The following PLCL1 variants were observed in gnomAD, a reference collection of about 807,000 sequenced individuals.
PLCL1 encodes the protein inactive phospholipase C-like protein 1.
A neutral mutation model predicts 84.4 loss-of-function variants in PLCL1; 41 were observed. The observed-to-expected ratio is 0.49, with a 90% CI of 0.38 to 0.63. The LOEUF (loss-of-function observed/expected upper bound fraction) is 0.63. Among genes scored for constraint, PLCL1 ranks in the 30% least tolerant of loss-of-function variants. The pLI is 0.00. For missense variants in PLCL1, 1,206 were observed against 1,367.8 expected, an observed-to-expected ratio of 0.88 and a Z score of 1.87; for synonymous variants, 490 against 488.3, an observed-to-expected ratio of 1.00 and a Z score of -0.05.
chr2:197,863,355 G>T (rs1687469866), intron 1 of PLCL1, among the ~76,000 whole-genome samples: 1 of 152,028 alleles, frequency 6.6e-6, no homozygotes, highest in Non-Finnish European at 1.5e-5. Context: ...ACTCAAAACA[G>T]TTATATTTGC....
chr2:197,993,746 C>T (rs1425949218), intron 1 of PLCL1, among the ~76,000 whole-genome samples: 1 of 152,164 alleles, frequency 6.6e-6, no homozygotes, highest in Non-Finnish European at 1.5e-5. Context: ...TTCTCTCTCC[C>T]CTTCCTTGTT....
rs560408853 is a variant in PLCL1, at chr2:197,983,006, T to C, written c.241-100752T>C. ...GTAATAATAAAAATTGGCTTATAAG[T>C]GAACAATTTTGATAGATTTTAGTTC... On this transcript the variant is annotated intron_variant, in intron 1 of 5. Coordinates refer to ENST00000428675, the MANE Select transcript of PLCL1 (RefSeq NM_006226.4). Among the ~76,000 whole-genome samples the C allele has an allele frequency of 5.9e-5, 9 of 152,230 alleles. 1 individual carries two copies. The highest frequency in any genetic ancestry group is 2.2e-4 in the African/African-American group (9 of 41,562).
At chr2:197,904,870 C>A (rs1364303600) in intron 1 of PLCL1, among the ~76,000 whole-genome samples, 2 of 152,082 alleles carry the variant, frequency 1.3e-5, no homozygotes, top group Admixed American at 1.3e-4. Context: ...AGTCAATTAT[C>A]AAAAGTATTA....
intron 1 of PLCL1, among the ~76,000 whole-genome samples, chr2:197,874,081 T>G (rs1266388433): frequency 6.6e-6 from 1 of 152,172 alleles, no homozygotes; most frequent in Non-Finnish European, 1.5e-5. Context: ...TACTTATAAG[T>G]TTTTCATTTT....
intron 1 of PLCL1, among the ~76,000 whole-genome samples, chr2:197,943,300 T>A (rs1314085772): frequency 6.6e-6 from 1 of 152,044 alleles, no homozygotes; most frequent in Non-Finnish European, 1.5e-5. Context: ...ATTTAAATTT[T>A]AAAAATTATG....
intron 1 of PLCL1, among the ~76,000 whole-genome samples, chr2:197,886,889 C>T (rs1241764402): frequency 2.0e-5 from 3 of 152,180 alleles, no homozygotes; most frequent in African/African-American, 7.2e-5. Context: ...AGTGATAAAG[C>T]AATATCCAGG....
chr2:197,868,959 AGAGT>A (rs1479818463), intron 1 of PLCL1, among the ~76,000 whole-genome samples: 1 of 152,182 alleles, frequency 6.6e-6, no homozygotes, highest in African/African-American at 2.4e-5. Flanking sequence ...ACTTAGTGAA[AGAGT>A]GAGTTTTAGT....
chr2:197,975,862 TC>T (rs1448066558), intron 1 of PLCL1, among the ~76,000 whole-genome samples: 3 of 151,766 alleles, frequency 2.0e-5, no homozygotes, highest in Non-Finnish European at 4.4e-5. Flanking sequence ...CAGAAAAAAG[TC>T]CCCTGAAGTA....
At chr2:197,950,860 T>C (rs1459417875) in intron 1 of PLCL1, among the ~76,000 whole-genome samples, 2 of 152,160 alleles carry the variant, frequency 1.3e-5, no homozygotes, top group African/African-American at 4.8e-5. Flanking sequence ...TTGTTTCCAG[T>C]AATAAAATTG....
At chr2:198,014,567 G>A (rs1690947271) in intron 1 of PLCL1, among the ~76,000 whole-genome samples, 1 of 151,888 alleles carries the variant, frequency 6.6e-6, no homozygotes, top group African/African-American at 2.4e-5. Context: ...TGTTAATTTT[G>A]TTGTTTATGT....
intron 1 of PLCL1, among the ~76,000 whole-genome samples, chr2:197,942,307 G>T (rs1689174039): frequency 6.6e-6 from 1 of 151,914 alleles, no homozygotes; most frequent in Admixed American, 6.6e-5. Flanking sequence ...ATTGCATCTT[G>T]CCCCTTTGCC....
intron 1 of PLCL1, among the ~76,000 whole-genome samples, chr2:197,949,842 T>C (rs1243327646): frequency 6.6e-6 from 1 of 152,208 alleles, no homozygotes; most frequent in Non-Finnish European, 1.5e-5. Context: ...ATAAAGTCTC[T>C]TATATTAATG....
chr2:198,116,778 A>G (rs1347326484), intron 5 of PLCL1, among the ~76,000 whole-genome samples: 1 of 151,912 alleles, frequency 6.6e-6, no homozygotes, highest in African/African-American at 2.4e-5. Flanking sequence ...AAAGAAGAGA[A>G]TCCTTCCCTA....
rs1004769622 is a variant in PLCL1, at chr2:198,083,976, C to T, written c.459C>T (p.Leu153=). The T allele has an allele frequency of 5.0e-6, 8 of 1,613,942 alleles. No homozygotes were observed. Among genetic ancestry groups the T allele is most frequent in the African/African-American group, 2.7e-5 (2 of 74,888 alleles). Reference sequence around the variant, plus strand: ...GCTGGGAACCTTCAAAGAAAGACCTCGAGAAAGCCAAGCTTGATATTTCTG... The same window carrying T: ...GCTGGGAACCTTCAAAGAAAGACCTTGAGAAAGCCAAGCTTGATATTTCTG... The part of the protein sequence containing the change: ...ALRWEPSKKD[L]EKAKLDISAI... The change falls in exon 2 of 6, where the codon CTC becomes CTT. Residue 153 remains leucine (L), a synonymous_variant. Transcript: ENST00000428675.
chr2:197,882,579 T>C (rs1404634483), intron 1 of PLCL1, among the ~76,000 whole-genome samples: 1 of 152,202 alleles, frequency 6.6e-6, no homozygotes, highest in Non-Finnish European at 1.5e-5. Context: ...GAATTATGTG[T>C]AATATATTTT....
At chr2:198,062,314 A>T (rs1692223366) in intron 1 of PLCL1, among the ~76,000 whole-genome samples, 1 of 152,122 alleles carries the variant, frequency 6.6e-6, no homozygotes, top group South Asian at 2.1e-4. Context: ...ATTGTGATAA[A>T]TTTTTTCTTA....
chr2:198,072,792 T>C (rs1692494223), intron 1 of PLCL1, among the ~76,000 whole-genome samples: 1 of 152,252 alleles, frequency 6.6e-6, no homozygotes, highest in East Asian at 1.9e-4. Flanking sequence ...GACTGTCTCA[T>C]GTTGACTCAT....
chr2:197,877,455 A>C (rs1408956837), intron 1 of PLCL1, among the ~76,000 whole-genome samples: 2 of 152,164 alleles, frequency 1.3e-5, no homozygotes, highest in Non-Finnish European at 2.9e-5. Context: ...GTTGTGGGAA[A>C]TATCTCCTGG....
At chr2:197,928,810 TA>T (rs1429278585) in intron 1 of PLCL1, among the ~76,000 whole-genome samples, 1 of 152,152 alleles carries the variant, frequency 6.6e-6, no homozygotes, top group Non-Finnish European at 1.5e-5. Flanking sequence ...ATTACAATAG[TA>T]AATGAAGCAA....
Sources: gnomAD v4.1 joint callset for allele counts (sites outside exome capture counted in the v4.1 genomes callset) on GRCh38, gnomAD v4.1.1 for gene constraint, MANE v1.5 for transcripts, NCBI Gene and HGNC (gene_info 2026-07-23, HGNC 2026-07-21) for gene names.